ABCD3: variants seen among roughly 807,000 people sequenced by gnomAD.
ABCD3 encodes ATP-binding cassette sub-family D member 3.
In ABCD3, 41 loss-of-function variants were observed where a neutral mutation model predicts 105.5. The ratio of observed to expected loss-of-function variants is 0.39; its 90% confidence interval spans 0.30 to 0.50. ABCD3 has a LOEUF of 0.50. Among genes scored for constraint, ABCD3 ranks in the 20% least tolerant of loss-of-function variants. The pLI is 0.84. For missense variants in ABCD3, 622 were observed against 806.3 expected, an observed-to-expected ratio of 0.77 and a Z score of 2.77; for synonymous variants, 258 against 269.0, an observed-to-expected ratio of 0.96 and a Z score of 0.40.
chr1:94,440,422 C>T (rs935694318), intron 1 of ABCD3, among the ~76,000 whole-genome samples: 10 of 152,172 alleles, frequency 6.6e-5, no homozygotes, highest in Non-Finnish European at 1.2e-4. Flanking sequence ...AGTTTCTCTT[C>T]GCAGGAGGCT....
rs185399093 is a variant in ABCD3, at chr1:94,497,765, A to G, written c.1387-837A>G. On this transcript the variant is annotated intron_variant, in intron 16 of 22. Transcript: ENST00000370214. The stretch of plus-strand genomic sequence containing the variant: ...TTGCAATATTATCTAGAAGAGCAAA[A>G]CAAAATGCAGATGACCTAAATATTT... Among the ~76,000 whole-genome samples the G allele has an allele frequency of 1.1e-4, 17 of 152,338 alleles. No individual in the cohort carries two copies. In the East Asian group the frequency reaches 3.3e-3, roughly 29 times the overall value.
chr1:94,516,985 T>G, intron 22 of ABCD3, 67 bp from the exon 23 acceptor site: 1 of 1,109,020 alleles, frequency 9.0e-7, no homozygotes, highest in African/African-American at 1.5e-5. Context: ...TGTATTTTAC[T>G]TTTCATAAAA....
At chr1:94,505,116 CT>C (rs1244950761) in intron 20 of ABCD3, among the ~76,000 whole-genome samples, 1 of 152,114 alleles carries the variant, frequency 6.6e-6, no homozygotes, top group African/African-American at 2.4e-5. Context: ...GAGTTTTAGA[CT>C]TTTAACGTTT....
chr1:94,418,121 C>T (rs1338878508), upstream of ABCD3, among the ~76,000 whole-genome samples: 1 of 152,102 alleles, frequency 6.6e-6, no homozygotes, highest in Non-Finnish European at 1.5e-5. Flanking sequence ...GGGGTGTGCG[C>T]GCGAAGAGTG....
chr1:94,420,432 T>C (rs1659213478), intron 1 of ABCD3, among the ~76,000 whole-genome samples: 1 of 152,230 alleles, frequency 6.6e-6, no homozygotes, highest in Admixed American at 6.5e-5. Context: ...CATTGTAAAA[T>C]GCCTAAAAAA....
At chr1:94,432,569 A>G (rs2100891009) in intron 1 of ABCD3, 1 of 152,236 alleles carries the variant, frequency 6.6e-6, no homozygotes, top group Non-Finnish European at 1.5e-5. Context: ...AATTCTTTTT[A>G]TTGTCTTCAT....
At chr1:94,466,301 T>G (rs1648132547) in intron 3 of ABCD3, among the ~76,000 whole-genome samples, 1 of 152,188 alleles carries the variant, frequency 6.6e-6, no homozygotes. Flanking sequence ...TATCCTAAAG[T>G]TTCTTATAAA....
intron 1 of ABCD3, among the ~76,000 whole-genome samples, chr1:94,450,218 TG>T (rs1660525526): frequency 6.6e-6 from 1 of 152,248 alleles, no homozygotes; most frequent in African/African-American, 2.4e-5. Context: ...AGTCTGCAGA[TG>T]TGGATTCCAA....
chr1:94,426,813 G>A (rs753007226), intron 1 of ABCD3, among the ~76,000 whole-genome samples: 122 of 150,190 alleles, frequency 8.1e-4, no homozygotes, highest in Admixed American at 1.4e-3. Context: ...CCAAAGTGCT[G>A]GGATTACAGG....
At chr1:94,491,315 G>T in intron 16 of ABCD3, 68 bp downstream of exon 16, 1 of 1,210,762 alleles carries the variant, frequency 8.3e-7, no homozygotes, top group Non-Finnish European at 1.2e-6. Flanking sequence ...AAGATTACCT[G>T]AATATTTAAA....
intron 9 of ABCD3, chr1:94,481,923 A>C (rs926732884): frequency 2.6e-5 from 4 of 152,234 alleles, no homozygotes; most frequent in Admixed American, 2.6e-4. Flanking sequence ...CATGGAAAAT[A>C]ATAGATAACT....
chr1:94,408,458 G>C, the ABCD3 span, among the ~76,000 whole-genome samples: 6 of 151,846 alleles, frequency 4.0e-5, no homozygotes, highest in African/African-American at 1.5e-4. Flanking sequence ...GCTGGGCGTA[G>C]TGGCGGGTGC....
chr1:94,446,161 C>T (rs1317529417), intron 1 of ABCD3, among the ~76,000 whole-genome samples: 3 of 152,234 alleles, frequency 2.0e-5, no homozygotes. Context: ...TGGTGTCACT[C>T]TAACTTTGAT....
At position 94,489,566 on chromosome 1, in the gene ABCD3, A is replaced by G. The variant is rs1649432007; in HGVS notation, c.1158-159A>G. 2.9e-5 allele frequency among the ~76,000 whole-genome samples: 4 copies of G among 140,072 alleles called. No individual in the cohort carries two copies. In the South Asian group the frequency reaches 9.7e-4, roughly 34 times the overall value. 91.9% of individuals were successfully genotyped at this position (140,072 alleles called of 152,430 possible). ...ATTCCTGCTCTCCTACTGAAACATA[A>G]TAAAGCACACATGTTATCATTAATA... On this transcript the variant is annotated intron_variant, in intron 13 of 22. Coordinates refer to ENST00000370214, the MANE Select transcript of ABCD3 (RefSeq NM_002858.4).
chr1:94,438,200 T>A (rs563231627), intron 1 of ABCD3, among the ~76,000 whole-genome samples: 1 of 151,762 alleles, frequency 6.6e-6, no homozygotes, highest in East Asian at 2.0e-4. Flanking sequence ...GACAGGGGAA[T>A]CGCTTGAACC....
chr1:94,470,380 A>G (rs1178342675), intron 4 of ABCD3, among the ~76,000 whole-genome samples: 1 of 152,194 alleles, frequency 6.6e-6, no homozygotes, highest in Non-Finnish European at 1.5e-5. Flanking sequence ...CAATTAATCA[A>G]ACCTTTTTGA....
chr1:94,412,403 A>G, the ABCD3 span, among the ~76,000 whole-genome samples: 1 of 152,208 alleles, frequency 6.6e-6, no homozygotes, highest in Non-Finnish European at 1.5e-5. Flanking sequence ...TAAACTTTGC[A>G]TATTCTTCCG....
At chr1:94,437,032 T>C (rs1448640542) in intron 1 of ABCD3, among the ~76,000 whole-genome samples, 1 of 152,178 alleles carries the variant, frequency 6.6e-6, no homozygotes, top group Non-Finnish European at 1.5e-5. Context: ...GTGAGGAAGC[T>C]GTAGAAGAAA....
intron 16 of ABCD3, among the ~76,000 whole-genome samples, chr1:94,498,191 A>G (rs1415633392): frequency 6.6e-6 from 1 of 152,042 alleles, no homozygotes; most frequent in Non-Finnish European, 1.5e-5. Context: ...TCAGCCTCCC[A>G]AGTAGCTGGG....
Sources: gnomAD v4.1 joint callset for allele counts (sites outside exome capture counted in the v4.1 genomes callset) on GRCh38, gnomAD v4.1.1 for gene constraint, MANE v1.5 for transcripts, NCBI Gene and HGNC (gene_info 2026-07-23, HGNC 2026-07-21) for gene names.